SULT1E1: variants seen among roughly 807,000 people sequenced by gnomAD.
SULT1E1 encodes the protein sulfotransferase 1E1.
Under a neutral mutation model 33.6 loss-of-function variants are expected in SULT1E1, and 36 were observed. The observed-to-expected ratio is 1.07, with a 90% CI of 0.82 to 1.41. The LOEUF (loss-of-function observed/expected upper bound fraction) is 1.41. Ranked by LOEUF, SULT1E1 falls within the 40% of genes most tolerant of loss-of-function variation. SULT1E1 has a pLI of 0.00. For missense variants in SULT1E1, 371 were observed against 345.7 expected (o/e 1.07, Z -0.58); for synonymous variants, 121 against 111.7 (o/e 1.08, Z -0.53).
intron 4 of SULT1E1, among the ~76,000 whole-genome samples, chr4:69,851,812 A>G (rs1721118968): frequency 6.6e-6 from 1 of 152,202 alleles, no homozygotes; most frequent in South Asian, 2.1e-4. Flanking sequence ...GAATGAGTTC[A>G]TGTCCTTTGT....
the SULT1E1 span, among the ~76,000 whole-genome samples, chr4:69,825,197 C>T: frequency 1.3e-5 from 2 of 152,106 alleles, no homozygotes; most frequent in African/African-American, 4.8e-5. Context: ...AGCTGTAACA[C>T]TCACTGCGCA....
Position 69,844,351 on chromosome 4 carries a change from G to T in SULT1E1, c.592-10C>A. The T allele has an allele frequency of 6.3e-7, 1 of 1,583,542 alleles. No homozygotes were observed. On this transcript the variant is annotated splice_polypyrimidine_tract_variant and intron_variant, in intron 6 of 7. Transcript: ENST00000226444. Reference sequence around the variant, plus strand: ...CCTCTTTTCTGATATCCTAGGGAGAGAAAATGTTTTGAGAACTAAATTGCT... The same window carrying T: ...CCTCTTTTCTGATATCCTAGGGAGATAAAATGTTTTGAGAACTAAATTGCT...
chr4:69,826,783 C>T, the SULT1E1 span, among the ~76,000 whole-genome samples: 1,005 of 152,198 alleles, frequency 6.6e-3, 12 homozygotes, highest in African/African-American at 0.023. Context: ...AGAGGGAAGG[C>T]AAATGGAGCA....
chr4:69,828,395 A>T, the SULT1E1 span, among the ~76,000 whole-genome samples: 2 of 152,106 alleles, frequency 1.3e-5, no homozygotes, highest in Admixed American at 1.3e-4. Context: ...AAGACCATGA[A>T]CCCACCAGGA....
chr4:69,847,499 T>C (rs1481142898), intron 6 of SULT1E1, among the ~76,000 whole-genome samples, 199 bp downstream of exon 6: 1 of 151,798 alleles, frequency 6.6e-6, no homozygotes, highest in Non-Finnish European at 1.5e-5. Flanking sequence ...TGGTTTAAAA[T>C]GTATTTATTT....
rs777085255 is a variant in SULT1E1 at position 69,849,545 on chromosome 4, T to G, written c.388A>C (p.Asn130His). The G allele has an allele frequency of 1.3e-5, 21 of 1,606,910 alleles. No individual in the cohort carries two copies. The East Asian group carries it at 2.0e-4, about 15-fold the overall frequency. ...AAGGAAACAGCCACATCCTTTGCAT[T>G]CCGGCAAAGATAGATTATCTAAGAG... is the stretch of plus-strand genomic sequence containing the variant. ...KDCKIIYLCRNAKDVAVSFYY... is the reference protein window; with the variant it reads ...KDCKIIYLCRHAKDVAVSFYY... Residue 130 changes from asparagine (N) to histidine (H), a missense_variant, in exon 5 of 8, where the codon AAT (asparagine) becomes CAT (histidine). Transcript: ENST00000226444.
chr4:69,836,118 T>C, the SULT1E1 span, among the ~76,000 whole-genome samples: 2 of 152,232 alleles, frequency 1.3e-5, no homozygotes, highest in African/African-American at 4.8e-5. Flanking sequence ...TATTACCATG[T>C]ATACTATCAG....
At chr4:69,856,338 A>G (rs2110073955) in intron 2 of SULT1E1, among the ~76,000 whole-genome samples, 1 of 152,316 alleles carries the variant, frequency 6.6e-6, no homozygotes, top group South Asian at 2.1e-4. Context: ...CATATATTAT[A>G]TTAAGCAGAA....
At chr4:69,835,369 T>A in the SULT1E1 span, among the ~76,000 whole-genome samples, 5 of 152,226 alleles carry the variant, frequency 3.3e-5, no homozygotes, top group Admixed American at 1.3e-4. Flanking sequence ...TCTTACTGTC[T>A]TTGCATGCTC....
At chr4:69,825,133 C>T in the SULT1E1 span, among the ~76,000 whole-genome samples, 5 of 151,076 alleles carry the variant, frequency 3.3e-5, no homozygotes, top group Admixed American at 1.3e-4. Context: ...CTGAAGCCAG[C>T]GAGACCATGA....
chr4:69,846,305 C>CAAAAAAAAAAAAAAAAAAA (rs34408656), intron 6 of SULT1E1, among the ~76,000 whole-genome samples: 5 of 107,012 alleles, frequency 4.7e-5, no homozygotes, highest in Non-Finnish European at 7.7e-5. Flanking sequence ...ACAAAACAAT[C>CAAAAAAAAAAAAAAAAAAA]AAAAAAAAAA....
chr4:69,850,577 A>G (rs1192020173), intron 4 of SULT1E1, among the ~76,000 whole-genome samples: 1 of 152,098 alleles, frequency 6.6e-6, no homozygotes, highest in Non-Finnish European at 1.5e-5. Flanking sequence ...TATAAAATCC[A>G]TCATTAGCCA....
chr4:69,830,404 A>T, the SULT1E1 span, among the ~76,000 whole-genome samples: 1 of 152,220 alleles, frequency 6.6e-6, no homozygotes, highest in Non-Finnish European at 1.5e-5. Flanking sequence ...CCATATGCTG[A>T]TTTTGAGTAG....
At chr4:69,855,524 G>T in intron 2 of SULT1E1, 98 bp from the exon 3 acceptor site, 1 of 1,249,556 alleles carries the variant, frequency 8.0e-7, no homozygotes, top group Non-Finnish European at 1.1e-6. Context: ...AGGTACCAAT[G>T]CAATACTATT....
At chr4:69,849,356 CAGTTAAAAA>C (rs751638894) in intron 5 of SULT1E1, 72 bp downstream of exon 5, 8 of 1,508,374 alleles carry the variant, frequency 5.3e-6, no homozygotes, top group Non-Finnish European at 7.2e-6. Context: ...CGTACCAGAA[CAGTTAAAAA>C]CTTTTACTTG....
chr4:69,831,323 G>A, the SULT1E1 span, among the ~76,000 whole-genome samples: 1 of 152,072 alleles, frequency 6.6e-6, no homozygotes, highest in South Asian at 2.1e-4. Flanking sequence ...TCGGCTGCTT[G>A]GGCCACTAGT....
At chr4:69,828,511 A>G in the SULT1E1 span, among the ~76,000 whole-genome samples, 1 of 152,212 alleles carries the variant, frequency 6.6e-6, no homozygotes, top group South Asian at 2.1e-4. Context: ...CACCAGAAGG[A>G]AGAAACTCTG....
At chr4:69,836,164 G>T in the SULT1E1 span, among the ~76,000 whole-genome samples, 2 of 151,874 alleles carry the variant, frequency 1.3e-5, no homozygotes, top group African/African-American at 4.8e-5. Flanking sequence ...TTTCAATACT[G>T]CCTTAAAACG....
At chr4:69,845,662 A>G (rs1475818584) in intron 6 of SULT1E1, among the ~76,000 whole-genome samples, 1 of 151,432 alleles carries the variant, frequency 6.6e-6, no homozygotes, top group Non-Finnish European at 1.5e-5. Context: ...TAATTTGTAC[A>G]TTCTTAGCCT....
Sources: gnomAD v4.1 joint callset for allele counts (sites outside exome capture counted in the v4.1 genomes callset) on GRCh38, gnomAD v4.1.1 for gene constraint, MANE v1.5 for transcripts, NCBI Gene and HGNC (gene_info 2026-07-23, HGNC 2026-07-21) for gene names.